NRG1: variants seen among roughly 807,000 people sequenced by gnomAD.
NRG1 encodes the protein pro-neuregulin-1, membrane-bound isoform.
In NRG1, 18 loss-of-function variants were observed where a neutral mutation model predicts 63.8. That is an observed-to-expected ratio of 0.28 (90% CI 0.19 to 0.42). NRG1 has a LOEUF of 0.42. Among genes scored for constraint, NRG1 ranks in the 10% least tolerant of loss-of-function variants. The probability of loss-of-function intolerance (pLI) is 1.00; values close to 1 mark genes in which losing one functional copy is unlikely to be tolerated. For synonymous variants in NRG1, 302 were observed against 301.3 expected (o/e 1.00, Z -0.02); for missense variants, 762 against 814.7 (o/e 0.94, Z 0.79).
At chr8:32,715,978 TG>T (rs1819113196) in intron 5 of NRG1, among the ~76,000 whole-genome samples, 1 of 152,186 alleles carries the variant, frequency 6.6e-6, no homozygotes. Flanking sequence ...ATCAGAGGTC[TG>T]GTTTCTTCTT....
At chr8:31,956,061 A>C (rs866215191) in intron 1 of NRG1, among the ~76,000 whole-genome samples, 9 of 151,488 alleles carry the variant, frequency 5.9e-5, no homozygotes, top group African/African-American at 2.2e-4. Context: ...AAACAAAAAA[A>C]CAAAAAAACA....
At chr8:32,110,926 T>A (rs888324491) in intron 1 of NRG1, among the ~76,000 whole-genome samples, 2 of 152,160 alleles carry the variant, frequency 1.3e-5, no homozygotes, top group Non-Finnish European at 2.9e-5. Context: ...CTCAAGGTGA[T>A]TCTTATCATT....
chr8:32,393,141 C>T (rs1811991250), intron 1 of NRG1, among the ~76,000 whole-genome samples: 2 of 152,126 alleles, frequency 1.3e-5, no homozygotes, highest in Admixed American at 6.5e-5. Context: ...TATATTTTTC[C>T]TCTTTTTATG....
chr8:31,984,352 T>G (rs1441266224), intron 1 of NRG1, among the ~76,000 whole-genome samples: 1 of 152,092 alleles, frequency 6.6e-6, no homozygotes, highest in African/African-American at 2.4e-5. Context: ...TGCCCACTTC[T>G]CCATCTTAAT....
chr8:31,932,064 A>G (rs1366102368), intron 1 of NRG1, among the ~76,000 whole-genome samples: 1 of 152,106 alleles, frequency 6.6e-6, no homozygotes, highest in Non-Finnish European at 1.5e-5. Context: ...TTAAAAAGGA[A>G]GGCTCATCTC....
chr8:31,953,998 C>T (rs1803925785), intron 1 of NRG1, among the ~76,000 whole-genome samples: 1 of 152,170 alleles, frequency 6.6e-6, no homozygotes, highest in South Asian at 2.1e-4. Context: ...AAATGTTAAA[C>T]TACTGTCTGT....
At chr8:31,858,298 C>CAAAA (rs768034922) in intron 1 of NRG1, among the ~76,000 whole-genome samples, 2 of 116,094 alleles carry the variant, frequency 1.7e-5, no homozygotes. Context: ...GACTCCGTCT[C>CAAAA]AAAAAAAAAA....
At chr8:31,972,588 C>A (rs1807480128) in intron 1 of NRG1, among the ~76,000 whole-genome samples, 1 of 152,048 alleles carries the variant, frequency 6.6e-6, no homozygotes, top group Non-Finnish European at 1.5e-5. Context: ...TTTTTAGGAC[C>A]CCAATGTTGA....
intron 1 of NRG1, among the ~76,000 whole-genome samples, chr8:31,800,829 T>C (rs1821694908): frequency 6.8e-6 from 1 of 146,770 alleles, no homozygotes; most frequent in Admixed American, 7.0e-5. Flanking sequence ...ATTTCTCCAG[T>C]CTCCTTTCTT....
At chr8:31,925,464 G>A (rs73673955) in intron 1 of NRG1, among the ~76,000 whole-genome samples, 2,446 of 151,690 alleles carry the variant, frequency 0.016, 48 homozygotes, top group African/African-American at 0.053. Flanking sequence ...CAAATTTATC[G>A]TGCTTGAGTT....
chr8:32,650,017 G>A (rs2976518), intron 5 of NRG1, among the ~76,000 whole-genome samples: 7,036 of 151,998 alleles, frequency 0.046, 570 homozygotes, highest in East Asian at 0.35. Context: ...TCCAGAGAAA[G>A]AAAAAAATGC....
chr8:32,758,917 C>T (rs993816690), intron 9 of NRG1, among the ~76,000 whole-genome samples: 2 of 152,086 alleles, frequency 1.3e-5, no homozygotes, highest in African/African-American at 4.8e-5. Flanking sequence ...TTTCAAATAG[C>T]ATTTAGCCTT....
At chr8:32,191,589 T>C (rs963415229) in intron 1 of NRG1, among the ~76,000 whole-genome samples, 1 of 152,234 alleles carries the variant, frequency 6.6e-6, no homozygotes, top group Non-Finnish European at 1.5e-5. Flanking sequence ...CTTAGCAGAA[T>C]ACAGGCTTCA....
At chr8:32,353,278 TA>T (rs1805882546) in intron 1 of NRG1, among the ~76,000 whole-genome samples, 1 of 150,528 alleles carries the variant, frequency 6.6e-6, no homozygotes, top group Non-Finnish European at 1.5e-5. Flanking sequence ...TTTGTACCTA[TA>T]ATTTAAATAA....
At position 31,774,831 on chromosome 8, in the gene NRG1, A is replaced by G. The variant is rs117807206; in HGVS notation, c.37+135400A>G. On this transcript the variant is annotated intron_variant, in intron 1 of 10. Transcript: ENST00000519301. ...GCAAGTTGTCAACAAACATGAAAAA[A>G]TGCACACCATCAGTAATCAGAGACA... Among the ~76,000 whole-genome samples the G allele has an allele frequency of 3.8e-3, 586 of 152,352 alleles. 1 individual carries two copies. The highest frequency in any genetic ancestry group is 0.02 in the Middle Eastern group (6 of 294).
At chr8:32,289,300 A>G (rs921926380) in intron 1 of NRG1, among the ~76,000 whole-genome samples, 3 of 152,070 alleles carry the variant, frequency 2.0e-5, no homozygotes, top group Non-Finnish European at 4.4e-5. Context: ...TCTCAAGTCT[A>G]CCTATTGCTG....
At chr8:32,748,042 G>T (rs1013706400) in intron 7 of NRG1, among the ~76,000 whole-genome samples, 4 of 151,926 alleles carry the variant, frequency 2.6e-5, no homozygotes, top group African/African-American at 4.8e-5. Context: ...TCACTAAAAA[G>T]TTCCACGGCA....
intron 1 of NRG1, among the ~76,000 whole-genome samples, chr8:31,696,212 A>G (rs1810044765): frequency 6.6e-6 from 1 of 152,124 alleles, no homozygotes; most frequent in African/African-American, 2.4e-5. Flanking sequence ...GATTACAGGC[A>G]TGTGCCATCA....
rs567658873 is a variant in NRG1 at position 32,642,252 on chromosome 8, C to A, written c.502+25367C>A. The stretch of plus-strand genomic sequence containing the variant: ...ATGCAATCCCAATCCAAAGTAAAAC[C>A]AAACAAAATGTATGTATTGAATGGA... On this transcript the variant is annotated intron_variant, in intron 5 of 11. Coordinates refer to ENST00000356819, the Ensembl canonical transcript of NRG1. Among the ~76,000 whole-genome samples the A allele has an allele frequency of 3.4e-4, 51 of 152,236 alleles. 1 individual carries two copies. The highest frequency in any genetic ancestry group is 3.4e-3 in the Middle Eastern group (1 of 294).
Sources: gnomAD v4.1 joint callset for allele counts (sites outside exome capture counted in the v4.1 genomes callset) on GRCh38, gnomAD v4.1.1 for gene constraint, MANE v1.5 for transcripts, NCBI Gene and HGNC (gene_info 2026-07-23, HGNC 2026-07-21) for gene names.